EMC10: variants seen among roughly 807,000 people sequenced by gnomAD.
The protein encoded by EMC10 is UPF0510 protein INM02.
EMC10 carries 40 observed loss-of-function variants against 32.2 expected under a neutral mutation model. The observed-to-expected ratio is 1.24, with a 90% confidence interval of 0.96 to 1.61. The LOEUF (loss-of-function observed/expected upper bound fraction) is 1.61, where lower values mean the gene tolerates loss of function less well. EMC10 is among the 40% of genes most tolerant of loss of function. EMC10 has a pLI of 0.00. For synonymous variants in EMC10, 178 were observed against 158.4 expected, an observed-to-expected ratio of 1.12 and a Z score of -0.93; for missense variants, 402 against 357.7, an observed-to-expected ratio of 1.12 and a Z score of -1.00.
chr19:50,478,740 C>T (rs1298408794), intron 2 of EMC10, among the ~76,000 whole-genome samples: 1 of 152,260 alleles, frequency 6.6e-6, no homozygotes, highest in Non-Finnish European at 1.5e-5. Context: ...GATTTGGGAG[C>T]TGTGGGGTTC....
Position 50,480,049 on chromosome 19 carries a change from A to G in EMC10, c.298-62A>G. 7.2e-7 allele frequency: 1 copy of G among 1,394,402 alleles called. No individual in the cohort carries two copies. Among genetic ancestry groups the G allele is most frequent in the East Asian group, 2.5e-5 (1 of 40,750 alleles). 86.4% of individuals were successfully genotyped at this position (1,394,402 alleles called of 1,614,324 possible). ...GGGCCTTCGCGGAGGCCTGGTGGGCATCACAGCCTGTCCAGGGCTGACACC... is the reference window on the plus strand; with the variant it reads ...GGGCCTTCGCGGAGGCCTGGTGGGCGTCACAGCCTGTCCAGGGCTGACACC... On this transcript the variant is annotated intron_variant, in intron 3 of 6. Coordinates refer to ENST00000334976, the MANE Select transcript of EMC10 (RefSeq NM_206538.4). The surrounding 1 kb of genome is among the most constrained non-coding windows in gnomAD (Gnocchi z 4.4).
Position 50,480,798 on chromosome 19 carries a change from C to T in EMC10, c.584+36C>T, listed in dbSNP as rs750967424. 24 of 1,565,240 alleles carry T rather than the reference C, an allele frequency of 1.5e-5. No individual in the cohort carries two copies. The highest frequency in any genetic ancestry group is 2.3e-5 in the East Asian group (1 of 44,134). On this transcript the variant is annotated intron_variant, in intron 5 of 6. Transcript: ENST00000334976. The surrounding 1 kb of genome is among the most constrained non-coding windows in gnomAD (Gnocchi z 4.4). ...GCTGCCTTCGCGGCGCTCTTGCCAC[C>T]TGCCCCGGCCCTTCCTGGCGGCCTC...
At chr19:50,476,983 C>A in intron 1 of EMC10, 1 of 251,696 alleles carries the variant, frequency 4.0e-6, no homozygotes, top group Non-Finnish European at 7.6e-6. Context: ...TGAAGCCGGG[C>A]GCGGTGGCTC....
rs1489627951 is a variant in EMC10, at chr19:50,488,965, G to A, written c.*6706G>A. 1.3e-5 allele frequency: 2 copies of A among 148,958 alleles called. No individual in the cohort carries two copies. Among genetic ancestry groups the A allele is most frequent in the African/African-American group, 2.5e-5 (1 of 40,130 alleles). 9.2% of individuals were successfully genotyped at this position (148,958 alleles called of 1,614,324 possible). ...GGGAGAGAAAACGGAACAGAGAGGG[G>A]GCACAGACAGCGGACTGGACCGAGA... On this transcript the variant is annotated 3_prime_UTR_variant, in exon 7 of 7. Coordinates refer to ENST00000334976, the MANE Select transcript of EMC10 (RefSeq NM_206538.4).
chr19:50,481,961 C>A lies in EMC10; in HGVS notation c.679-188C>A, dbSNP rs1035327871. Reference sequence around the variant, plus strand: ...CAGGAGGCCTGAGTGAGGACCGAGACCCCTGCCCCTCCCTGCGCCCCACTG... The same window carrying A: ...CAGGAGGCCTGAGTGAGGACCGAGAACCCTGCCCCTCCCTGCGCCCCACTG... On this transcript the variant is annotated intron_variant, in intron 6 of 6. Coordinates refer to ENST00000334976, the MANE Select transcript of EMC10 (RefSeq NM_206538.4). 1.9e-6 allele frequency: 3 copies of A among 1,608,012 alleles called. No individual in the cohort carries two copies. The African/African-American group carries it at 4.0e-5, about 21-fold the overall frequency.
rs1026986018 is a variant in EMC10 at position 50,480,515 on chromosome 19, G to A, written c.403-66G>A. On this transcript the variant is annotated intron_variant, in intron 4 of 6. Transcript: ENST00000334976. This position sits in a 1 kb window ranked among gnomAD's most constrained non-coding sequence, Gnocchi z 4.4. ...CTCCGGGGGTCCTGTGGTGGGGGCCGGGGGAGGTTAGGGTGGAGCCCAGGC... is the reference window on the plus strand; with the variant it reads ...CTCCGGGGGTCCTGTGGTGGGGGCCAGGGGAGGTTAGGGTGGAGCCCAGGC... The A allele has an allele frequency of 1.6e-5, 24 of 1,506,078 alleles. No homozygotes were observed. Among genetic ancestry groups the A allele is most frequent in the South Asian group, 3.7e-5 (3 of 81,062 alleles). The allele number at this position is 1,506,078 out of a possible 1,614,324, so 93.3% of individuals were successfully genotyped here.
Position 50,488,875 on chromosome 19 carries a change from A to C in EMC10, c.*6616A>C, listed in dbSNP as rs1291085784. The C allele has an allele frequency of 6.6e-6, 1 of 151,426 alleles. No homozygotes were observed. Among genetic ancestry groups the C allele is most frequent in the Non-Finnish European group, 1.5e-5 (1 of 68,028 alleles). 9.4% of individuals were successfully genotyped at this position (151,426 alleles called of 1,614,324 possible). A position where few individuals can be genotyped will look rare whatever the true frequency, so the allele number is the denominator to read the frequency against. On this transcript the variant is annotated 3_prime_UTR_variant, in exon 7 of 7. Coordinates refer to ENST00000334976, the MANE Select transcript of EMC10 (RefSeq NM_206538.4). ...GAGAAAAAGGAGGGTGGCCACAGAG[A>C]GGACAGCGAGAAAAAGAGAACAGGA...
At position 50,480,359 on chromosome 19, in the gene EMC10, T is replaced by A; in HGVS notation, c.402+144T>A. 1 of 1,004,134 alleles carries A rather than the reference T, an allele frequency of 1.0e-6. No homozygotes were observed. Among genetic ancestry groups the A allele is most frequent in the Non-Finnish European group, 1.5e-6 (1 of 678,746 alleles). The allele number at this position is 1,004,134 out of a possible 1,614,324, so 62.2% of individuals were successfully genotyped here. A position where few individuals can be genotyped will look rare whatever the true frequency, so the allele number is the denominator to read the frequency against. On this transcript the variant is annotated intron_variant, in intron 4 of 6. Transcript: ENST00000334976. This position sits in a 1 kb window ranked among gnomAD's most constrained non-coding sequence, Gnocchi z 4.4. The stretch of plus-strand genomic sequence containing the variant: ...AGACCTGGCCTTGCCTTCCGAGGCC[T>A]CCTGGTCTGGAGGGGTCGGTCCAGG...
rs1294951716 is a variant in EMC10, at chr19:50,482,012, G to C, written c.679-137G>C. The stretch of plus-strand genomic sequence containing the variant: ...GCCCTCCCTGACCTGTAGTGACGTA[G>C]GGGACCTGGGCGCCCTCCCCTTACG... On this transcript the variant is annotated intron_variant, in intron 6 of 6. Transcript: ENST00000334976. 6.3e-6 allele frequency: 10 copies of C among 1,592,226 alleles called. No homozygotes were observed. The East Asian group carries it at 1.8e-4, about 29-fold the overall frequency.
In EMC10 at chr19:50,482,248, A is replaced by G. The variant is rs1174728205; in HGVS notation, c.778A>G (p.Ser260Gly). The G allele has an allele frequency of 1.9e-6, 2 of 1,079,494 alleles. No individual in the cohort carries two copies. 66.9% of individuals were successfully genotyped at this position (1,079,494 alleles called of 1,614,324 possible). A position where few individuals can be genotyped will look rare whatever the true frequency, so the allele number is the denominator to read the frequency against. ...GGGGGGGGGG[S>G]GR ...TGGGGGTGGGGGTGGTGGTGGGGGT[A>G]GTGGCCGGTGAGGGCCCAGGCTGGT... is the stretch of plus-strand genomic sequence containing the variant. The change falls in exon 7 of 7, where the codon AGT (serine) becomes GGT (glycine). Residue 260 changes from serine to glycine, a missense_variant. Coordinates refer to ENST00000334976, the MANE Select transcript of EMC10 (RefSeq NM_206538.4).
intron 3 of EMC10, among the ~76,000 whole-genome samples, chr19:50,479,502 A>G (rs73058207): frequency 0.019 from 2,875 of 152,268 alleles, 35 homozygotes; most frequent in Non-Finnish European, 0.029. Flanking sequence ...AATCCTCCGC[A>G]GGGGTCATGC....
chr19:50,482,920 T>C lies in EMC10; in HGVS notation c.*661T>C. 1.8e-6 allele frequency: 1 copy of C among 563,610 alleles called. No individual in the cohort carries two copies. Among genetic ancestry groups the C allele is most frequent in the Non-Finnish European group, 3.1e-6 (1 of 318,454 alleles). The allele number at this position is 563,610 out of a possible 1,614,324, so 34.9% of individuals were successfully genotyped here. A position where few individuals can be genotyped will look rare whatever the true frequency, so the allele number is the denominator to read the frequency against. On this transcript the variant is annotated 3_prime_UTR_variant, in exon 7 of 7. Transcript: ENST00000334976. ...TCCTTGCCTTTAAGGTGACAGGCCC[T>C]CCACAGGCTTCCAGACTTGAAGGAA...
Position 50,484,019 on chromosome 19 carries a change from T to C in EMC10, c.*1760T>C, listed in dbSNP as rs1388171165. The C allele has an allele frequency of 8.8e-5, 4 of 45,242 alleles. No homozygotes were observed. Among genetic ancestry groups the C allele is most frequent in the Non-Finnish European group, 1.7e-4 (4 of 24,098 alleles). 2.8% of individuals were successfully genotyped at this position (45,242 alleles called of 1,614,324 possible). ...GGATTCCAGAAATATTTACTAATGC[T>C]TTTTTTTTTTTTTTTTTTTTTTTTT... On this transcript the variant is annotated 3_prime_UTR_variant, in exon 7 of 7. Coordinates refer to ENST00000334976, the MANE Select transcript of EMC10 (RefSeq NM_206538.4).
chr19:50,482,821 G>A lies in EMC10; in HGVS notation c.*562G>A, dbSNP rs1326560120. The A allele has an allele frequency of 1.9e-6, 1 of 521,880 alleles. No individual in the cohort carries two copies. The highest frequency in any genetic ancestry group is 3.4e-6 in the Non-Finnish European group (1 of 296,872). 32.3% of individuals were successfully genotyped at this position (521,880 alleles called of 1,614,324 possible). On this transcript the variant is annotated 3_prime_UTR_variant, in exon 7 of 7. Coordinates refer to ENST00000334976, the MANE Select transcript of EMC10 (RefSeq NM_206538.4). Reference sequence around the variant, plus strand: ...AAGAGTCGGGGCTGGATGGCCGGGGGCTTCTGGGCCCGACGCCTAGTGCAG... The same window carrying A: ...AAGAGTCGGGGCTGGATGGCCGGGGACTTCTGGGCCCGACGCCTAGTGCAG...
chr19:50,477,840 C>A, intron 1 of EMC10, 89 bp from the exon 2 acceptor site: 1 of 996,840 alleles, frequency 1.0e-6, no homozygotes, highest in Non-Finnish European at 1.5e-6. Flanking sequence ...TCCCTCAGCC[C>A]ACCAGTCTGT....
Position 50,483,854 on chromosome 19 carries a change from G to C in EMC10, c.*1595G>C, listed in dbSNP as rs1024567340. 1 of 151,798 alleles carries C rather than the reference G, an allele frequency of 6.6e-6. No homozygotes were observed. The highest frequency in any genetic ancestry group is 2.4e-5 in the African/African-American group (1 of 41,314). The allele number at this position is 151,798 out of a possible 1,614,324, so 9.4% of individuals were successfully genotyped here. ...TGGGATTACAGGCGTGAGCCACCGC[G>C]CCTGGCCTATTTTTGGTAACTTTAA... is the stretch of plus-strand genomic sequence containing the variant. On this transcript the variant is annotated 3_prime_UTR_variant, in exon 7 of 7. Coordinates refer to ENST00000334976, the MANE Select transcript of EMC10 (RefSeq NM_206538.4).
chr19:50,482,522 C>A lies in EMC10; in HGVS notation c.*263C>A. On this transcript the variant is annotated 3_prime_UTR_variant, in exon 7 of 7. Coordinates refer to ENST00000334976, the MANE Select transcript of EMC10 (RefSeq NM_206538.4). ...GCAGCCCCAGGGGCTTCCCCCCTGCCCATGGAGTAGAGCCCGAGATCCTGG... is the reference window on the plus strand; with the variant it reads ...GCAGCCCCAGGGGCTTCCCCCCTGCACATGGAGTAGAGCCCGAGATCCTGG... The A allele has an allele frequency of 1.8e-6, 1 of 561,444 alleles. No individual in the cohort carries two copies. The highest frequency in any genetic ancestry group is 3.1e-6 in the Non-Finnish European group (1 of 319,110). 34.8% of individuals were successfully genotyped at this position (561,444 alleles called of 1,614,324 possible). A position where few individuals can be genotyped will look rare whatever the true frequency, so the allele number is the denominator to read the frequency against.
At chr19:50,479,255 C>G (rs1012800810) in intron 3 of EMC10, among the ~76,000 whole-genome samples, 189 bp downstream of exon 3, 1 of 152,194 alleles carries the variant, frequency 6.6e-6, no homozygotes. Context: ...TTCGTCTTAG[C>G]GCCGCCAGGC....
chr19:50,480,333 C>T lies in EMC10; in HGVS notation c.402+118C>T. 1 of 1,133,418 alleles carries T rather than the reference C, an allele frequency of 8.8e-7. No individual in the cohort carries two copies. The highest frequency in any genetic ancestry group is 1.3e-6 in the Non-Finnish European group (1 of 791,778). 70.2% of individuals were successfully genotyped at this position (1,133,418 alleles called of 1,614,324 possible). A position where few individuals can be genotyped will look rare whatever the true frequency, so the allele number is the denominator to read the frequency against. On this transcript the variant is annotated intron_variant, in intron 4 of 6. Transcript: ENST00000334976. The surrounding 1 kb of genome is among the most constrained non-coding windows in gnomAD (Gnocchi z 4.4). Reference sequence around the variant, plus strand: ...GGAGCCCGCAGAGGCCTGGGAGACTCAGACCTGGCCTTGCCTTCCGAGGCC... The same window carrying T: ...GGAGCCCGCAGAGGCCTGGGAGACTTAGACCTGGCCTTGCCTTCCGAGGCC...
Sources: allele counts gnomAD v4.1 joint callset (sites outside exome capture counted in the v4.1 genomes callset), GRCh38; gene constraint gnomAD v4.1.1; non-coding constraint Gnocchi (gnomAD v3.1); transcripts MANE v1.5; gene names NCBI Gene and HGNC (gene_info 2026-07-23, HGNC 2026-07-21).